Variants in ZBTB20 observed in about 807,000 individuals in gnomAD.
The protein encoded by ZBTB20 is zinc finger and BTB domain-containing protein 20.
ZBTB20 carries 9 observed loss-of-function variants against 56.9 expected under a neutral mutation model. That is an observed-to-expected ratio of 0.16 (90% CI 0.10 to 0.28). The LOEUF is 0.28. ZBTB20 is among the 10% of genes least tolerant of loss of function. The pLI, the probability that ZBTB20 is intolerant of heterozygous loss-of-function variation, is 1.00. For missense variants in ZBTB20, 655 were observed against 1,003.0 expected (o/e 0.65, Z 4.69); for synonymous variants, 417 against 420.7 (o/e 0.99, Z 0.11).
intron 6 of ZBTB20, among the ~76,000 whole-genome samples, chr3:114,530,548 C>A (rs994515659): frequency 6.6e-6 from 1 of 152,066 alleles, no homozygotes; most frequent in Non-Finnish European, 1.5e-5. Flanking sequence ...CAATGTGTGA[C>A]TACATTTTGA....
At chr3:114,681,943 AC>A (rs2061999695) in intron 6 of ZBTB20, among the ~76,000 whole-genome samples, 5 of 152,358 alleles carry the variant, frequency 3.3e-5, no homozygotes, top group Admixed American at 3.3e-4. Context: ...AGTTCTAAGC[AC>A]ATGGCATGGC....
At chr3:114,946,446 G>T (rs543841736) in intron 3 of ZBTB20, among the ~76,000 whole-genome samples, 44 of 145,140 alleles carry the variant, frequency 3.0e-4, no homozygotes, top group Non-Finnish European at 5.9e-4. Context: ...GGTAAAGAAA[G>T]ACAAATATAA....
At chr3:114,846,575 T>G (rs924709767) in intron 4 of ZBTB20, among the ~76,000 whole-genome samples, 9 of 152,310 alleles carry the variant, frequency 5.9e-5, no homozygotes, top group African/African-American at 2.2e-4. Context: ...CCTAGTTCTT[T>G]TGGATGAAAC....
intron 5 of ZBTB20, among the ~76,000 whole-genome samples, chr3:114,756,781 C>G (rs1453930961): frequency 6.6e-6 from 1 of 152,100 alleles, no homozygotes; most frequent in African/African-American, 2.4e-5. Flanking sequence ...TGGAAGAACT[C>G]TAATTGAGTA....
chr3:114,568,128 G>T (rs1384594908), intron 6 of ZBTB20, among the ~76,000 whole-genome samples: 4 of 152,210 alleles, frequency 2.6e-5, no homozygotes, highest in Non-Finnish European at 5.9e-5. Context: ...TCTCTTCGCT[G>T]CCTTTCTCAA....
chr3:115,046,316 A>G lies in ZBTB20; in HGVS notation c.-507+24903T>C, dbSNP rs1209611749. Among the ~76,000 whole-genome samples, 3 of 151,858 alleles carry G rather than the reference A, an allele frequency of 2.0e-5. No homozygotes were observed. In the East Asian group the frequency reaches 5.8e-4, roughly 29 times the overall value. On this transcript the variant is annotated intron_variant, in intron 2 of 11. Transcript: ENST00000675478. The stretch of plus-strand genomic sequence containing the variant: ...GATTCTTAATCCATCTTTTGACAGC[A>G]CTCAGTCCTATAAAGTTGTTAGAAA...
At chr3:114,530,067 C>T (rs575345716) in intron 6 of ZBTB20, among the ~76,000 whole-genome samples, 1 of 152,188 alleles carries the variant, frequency 6.6e-6, no homozygotes, top group African/African-American at 2.4e-5. Context: ...TCATAGTGAT[C>T]ATAACATCAC....
At chr3:115,012,799 G>T (rs910423048) in intron 2 of ZBTB20, among the ~76,000 whole-genome samples, 4 of 151,718 alleles carry the variant, frequency 2.6e-5, no homozygotes, top group African/African-American at 7.2e-5. Flanking sequence ...CATACTCAAG[G>T]ATAGACCATA....
At chr3:114,801,000 C>T (rs1309724890) in intron 5 of ZBTB20, 101 bp downstream of exon 5, 1 of 151,760 alleles carries the variant, frequency 6.6e-6, no homozygotes, top group African/African-American at 2.4e-5. Context: ...CAGGGACATT[C>T]AAATTTTTAC....
intron 5 of ZBTB20, among the ~76,000 whole-genome samples, chr3:114,736,677 A>G (rs2066184122): frequency 6.6e-6 from 1 of 152,200 alleles, no homozygotes; most frequent in Admixed American, 6.5e-5. Flanking sequence ...TGTTATTAAA[A>G]ATAAATCACA....
chr3:114,605,308 G>A (rs1327497021), intron 6 of ZBTB20, among the ~76,000 whole-genome samples: 1 of 152,104 alleles, frequency 6.6e-6, no homozygotes, highest in Non-Finnish European at 1.5e-5. Context: ...AGAAGCCACA[G>A]ACAAGAGCAG....
chr3:114,819,281 C>G (rs2073112870), intron 4 of ZBTB20, among the ~76,000 whole-genome samples: 1 of 151,876 alleles, frequency 6.6e-6, no homozygotes, highest in African/African-American at 2.4e-5. Flanking sequence ...GATACTAATA[C>G]TGATTTATAG....
chr3:114,473,519 A>C (rs983840034), intron 7 of ZBTB20, among the ~76,000 whole-genome samples: 16 of 152,176 alleles, frequency 1.1e-4, no homozygotes, highest in African/African-American at 3.9e-4. Context: ...GATGTGTCTC[A>C]GAATCACATA....
At chr3:114,752,574 G>C (rs893697876) in intron 5 of ZBTB20, among the ~76,000 whole-genome samples, 1 of 152,092 alleles carries the variant, frequency 6.6e-6, no homozygotes, top group African/African-American at 2.4e-5. Context: ...TTTTCCTATT[G>C]TCTGAAATAT....
intron 7 of ZBTB20, among the ~76,000 whole-genome samples, chr3:114,415,606 C>T (rs1423920302): frequency 6.6e-6 from 1 of 152,100 alleles, no homozygotes; most frequent in Non-Finnish European, 1.5e-5. Context: ...TGATATAATA[C>T]TTTGCACATA....
chr3:114,778,831 T>G (rs1041958914), intron 5 of ZBTB20, among the ~76,000 whole-genome samples: 5 of 152,194 alleles, frequency 3.3e-5, no homozygotes, highest in Non-Finnish European at 7.3e-5. Flanking sequence ...CACAGAGTAT[T>G]CATTTGGCAG....
At chr3:115,136,479 A>G (rs941770092) in intron 1 of ZBTB20, among the ~76,000 whole-genome samples, 1 of 152,140 alleles carries the variant, frequency 6.6e-6, no homozygotes, top group African/African-American at 2.4e-5. Context: ...TAAGTGTACT[A>G]TAATTCTAAA....
intron 7 of ZBTB20, among the ~76,000 whole-genome samples, chr3:114,471,795 A>T (rs2040163368): frequency 6.6e-6 from 1 of 152,232 alleles, no homozygotes; most frequent in Admixed American, 6.5e-5. Flanking sequence ...AAAGAAACTC[A>T]GTTGTCTAAC....
chr3:114,422,806 G>A (rs1356588158), intron 7 of ZBTB20, among the ~76,000 whole-genome samples: 1 of 152,060 alleles, frequency 6.6e-6, no homozygotes, highest in Non-Finnish European at 1.5e-5. Context: ...TGACACCTGT[G>A]TGTTCTTATT....
Sources: gnomAD v4.1 joint callset for allele counts (sites outside exome capture counted in the v4.1 genomes callset) on GRCh38, gnomAD v4.1.1 for gene constraint, MANE v1.5 for transcripts, NCBI Gene and HGNC (gene_info 2026-07-23, HGNC 2026-07-21) for gene names.